The following GRIA2 variants were observed in gnomAD, a reference collection of about 807,000 sequenced individuals.
The protein encoded by GRIA2 is glutamate ionotropic receptor AMPA type subunit 2.
GRIA2 carries 14 observed loss-of-function variants against 97.3 expected under a neutral mutation model. The observed-to-expected ratio is 0.14, with a 90% CI of 0.10 to 0.23. GRIA2 has a LOEUF of 0.23. Ranked by LOEUF, GRIA2 falls within the 10% of genes least tolerant of loss-of-function variation. The probability of loss-of-function intolerance (pLI) is 1.00; values close to 1 mark genes in which losing one functional copy is unlikely to be tolerated. For missense variants in GRIA2, 558 were observed against 1,069.8 expected, an observed-to-expected ratio of 0.52 and a Z score of 6.67; for synonymous variants, 412 against 387.8, an observed-to-expected ratio of 1.06 and a Z score of -0.73.
intron 12 of GRIA2, among the ~76,000 whole-genome samples, chr4:157,354,780 G>A (rs138146595): frequency 2.0e-5 from 3 of 152,256 alleles, no homozygotes; most frequent in Non-Finnish European, 2.9e-5. Context: ...AGGGTAGTGC[G>A]TATGTTAGTT....
chr4:157,303,496 T>C, intron 2 of GRIA2, 56 bp from the exon 3 acceptor site: 1 of 1,520,858 alleles, frequency 6.6e-7, no homozygotes, highest in South Asian at 1.1e-5. Context: ...AGCAAATTCA[T>C]ATGATTGTGT....
chr4:157,303,471 G>T (rs1261165984), intron 2 of GRIA2, 81 bp from the exon 3 acceptor site: 3 of 1,128,216 alleles, frequency 2.7e-6, no homozygotes, highest in Non-Finnish European at 4.0e-6. Context: ...TTATGTAAAA[G>T]GACATTACGT....
In GRIA2 at chr4:157,277,953, T is replaced by C. The variant is rs537931268; in HGVS notation, c.230-25599T>C. 2.7e-5 allele frequency among the ~76,000 whole-genome samples: 4 copies of C among 148,662 alleles called. No homozygotes were observed. In the East Asian group the frequency reaches 5.9e-4, roughly 22 times the overall value. The stretch of plus-strand genomic sequence containing the variant: ...ATATGTGAGGAAAAGTACAAAGCAC[T>C]GATAAAAGAAATCAAAGAACTAAAT... On this transcript the variant is annotated intron_variant, in intron 2 of 15. Transcript: ENST00000264426.
chr4:157,295,085 A>C (rs1030532153), intron 2 of GRIA2, among the ~76,000 whole-genome samples: 1 of 152,110 alleles, frequency 6.6e-6, no homozygotes, highest in Non-Finnish European at 1.5e-5. Context: ...TGGTTCTACA[A>C]TTGCCTGCTA....
intron 2 of GRIA2, among the ~76,000 whole-genome samples, chr4:157,287,090 T>C (rs2126826580): frequency 6.6e-6 from 1 of 151,774 alleles, no homozygotes; most frequent in South Asian, 2.1e-4. Flanking sequence ...GTCTATTTCT[T>C]TGCTTGCTTT....
Position 157,363,416 on chromosome 4 carries a change from C to T in GRIA2, c.*4-19C>T. 2.4e-6 allele frequency: 3 copies of T among 1,239,798 alleles called. No individual in the cohort carries two copies. The South Asian group carries it at 1.2e-4, about 48-fold the overall frequency. The allele number at this position is 1,239,798 out of a possible 1,614,324, so 76.8% of individuals were successfully genotyped here. On this transcript the variant is annotated intron_variant, in intron 15 of 15. Coordinates refer to ENST00000264426, the MANE Select transcript of GRIA2 (RefSeq NM_001083619.3). The stretch of plus-strand genomic sequence containing the variant: ...ACGTATGATTTCTTTTTCTTTCTTT[C>T]CCTCCTCTCTCATTTAAGATGACCT...
chr4:157,297,249 G>A (rs1289301539), intron 2 of GRIA2, among the ~76,000 whole-genome samples: 2 of 152,056 alleles, frequency 1.3e-5, no homozygotes, highest in Non-Finnish European at 2.9e-5. Flanking sequence ...TGAGAATAAA[G>A]GAAGAGAAGT....
intron 12 of GRIA2, among the ~76,000 whole-genome samples, 169 bp downstream of exon 12, chr4:157,341,631 G>A (rs1735554152): frequency 6.6e-6 from 1 of 151,788 alleles, no homozygotes; most frequent in Non-Finnish European, 1.5e-5. Flanking sequence ...CTGATACTTC[G>A]GTCCAGCTCT....
rs184563057 is a variant in GRIA2 at position 157,247,808 on chromosome 4, A to G, written c.229+26001A>G. ...AGGAAGGGACATGTGCAAGAAGTGG[A>G]GTTCAGGGAGGAGTTAGTGAGGCAG... On this transcript the variant is annotated intron_variant, in intron 2 of 15. Transcript: ENST00000264426. 2.6e-5 allele frequency among the ~76,000 whole-genome samples: 4 copies of G among 152,194 alleles called. No individual in the cohort carries two copies. In the East Asian group the frequency reaches 7.8e-4, roughly 30 times the overall value.
chr4:157,249,844 C>G (rs543248105), intron 2 of GRIA2: 11 of 152,284 alleles, frequency 7.2e-5, no homozygotes, highest in African/African-American at 2.4e-4. Flanking sequence ...AGAGAACCAC[C>G]ATTTTAGTGG....
chr4:157,254,341 C>T (rs1731147690), intron 2 of GRIA2, among the ~76,000 whole-genome samples: 3 of 151,888 alleles, frequency 2.0e-5, no homozygotes. Context: ...GAACATAAGC[C>T]ATAAAGGAAA....
At chr4:157,221,271 A>G in intron 1 of GRIA2, 141 bp downstream of exon 1, 1 of 641,878 alleles carries the variant, frequency 1.6e-6, no homozygotes, top group Non-Finnish European at 2.8e-6. Context: ...TAGAATATAC[A>G]TGTTTTTCTT....
chr4:157,355,471 TG>T (rs1736209411), intron 12 of GRIA2, among the ~76,000 whole-genome samples: 1 of 148,828 alleles, frequency 6.7e-6, no homozygotes. Context: ...GAAGTTGCAG[TG>T]AGCCGAGATC....
intron 2 of GRIA2, among the ~76,000 whole-genome samples, chr4:157,257,937 C>G (rs1579310496): frequency 6.6e-6 from 1 of 152,094 alleles, no homozygotes; most frequent in South Asian, 2.1e-4. Flanking sequence ...ATTTCTTACA[C>G]CTGTCTTTAC....
At chr4:157,252,336 T>C (rs1209944871) in intron 2 of GRIA2, among the ~76,000 whole-genome samples, 1 of 152,154 alleles carries the variant, frequency 6.6e-6, no homozygotes, top group African/African-American at 2.4e-5. Flanking sequence ...AAGGAATGAC[T>C]GATGAACTAG....
At chr4:157,264,129 T>C (rs1224616627) in intron 2 of GRIA2, among the ~76,000 whole-genome samples, 1 of 152,138 alleles carries the variant, frequency 6.6e-6, no homozygotes, top group Non-Finnish European at 1.5e-5. Context: ...TGCAGGTTTA[T>C]AAGTTCACCA....
chr4:157,278,815 T>C (rs1170457577), intron 2 of GRIA2, among the ~76,000 whole-genome samples: 2 of 151,916 alleles, frequency 1.3e-5, no homozygotes, highest in Non-Finnish European at 2.9e-5. Context: ...ACAAAAGACT[T>C]GAACACACAT....
chr4:157,246,324 T>A (rs991860219), intron 2 of GRIA2, among the ~76,000 whole-genome samples: 1 of 152,086 alleles, frequency 6.6e-6, no homozygotes, highest in African/African-American at 2.4e-5. Flanking sequence ...ATTGTCTCTA[T>A]GAAAACATTT....
rs536871243 is a variant in GRIA2, at chr4:157,258,851, C to T, written c.229+37044C>T. On this transcript the variant is annotated intron_variant, in intron 2 of 15. Coordinates refer to ENST00000264426, the MANE Select transcript of GRIA2 (RefSeq NM_001083619.3). ...TAGAAAAGGACCCACGTTGAATTAT[C>T]GGGGGCGGGTTCCCCCGATAAGTTC... 8.6e-5 allele frequency among the ~76,000 whole-genome samples: 13 copies of T among 151,970 alleles called. No homozygotes were observed. In the South Asian group the frequency reaches 1.2e-3, roughly 15 times the overall value.
Sources: gnomAD v4.1 joint callset for allele counts (sites outside exome capture counted in the v4.1 genomes callset) on GRCh38, gnomAD v4.1.1 for gene constraint, MANE v1.5 for transcripts, NCBI Gene and HGNC (gene_info 2026-07-23, HGNC 2026-07-21) for gene names.